The following PKN3 variants were observed in gnomAD, a reference collection of about 807,000 sequenced individuals.
PKN3 encodes protein kinase N3.
Under a neutral mutation model 113.1 loss-of-function variants are expected in PKN3, and 91 were observed. The ratio of observed to expected loss-of-function variants is 0.80; its 90% CI spans 0.68 to 0.96. The LOEUF is 0.96. Ranked by LOEUF, PKN3 falls within the 40% of genes least tolerant of loss-of-function variation. The probability of loss-of-function intolerance (pLI) is 0.00; values close to 1 mark genes in which losing one functional copy is unlikely to be tolerated. For missense variants in PKN3, 1,052 were observed against 1,202.2 expected (o/e 0.88, Z 1.85); for synonymous variants, 467 against 499.0 (o/e 0.94, Z 0.85).
At position 128,702,839 on chromosome 9, in the gene PKN3, A is replaced by G. The variant is rs964074918; in HGVS notation, c.-77A>G. On this transcript the variant is annotated 5_prime_UTR_variant, in exon 1 of 22. The change abolishes the stop of an existing upstream ORF in the 5' untranslated region. Transcript: ENST00000291906. ...CGCTTCCCGGGAAGTTTCAAGTTTG[A>G]AAGTCCTGGCGGAGGGTCTGCGGCT... 2 of 1,108,226 alleles carry G rather than the reference A, an allele frequency of 1.8e-6. No individual in the cohort carries two copies. The highest frequency in any genetic ancestry group is 2.3e-5 in the Admixed American group (1 of 43,512). 68.6% of individuals were successfully genotyped at this position (1,108,226 alleles called of 1,614,324 possible). A position where few individuals can be genotyped will look rare whatever the true frequency, so the allele number is the denominator to read the frequency against.
At position 128,705,851 on chromosome 9, in the gene PKN3, C is replaced by G. The variant is rs754464265; in HGVS notation, c.383C>G (p.Thr128Ser). The G allele has an allele frequency of 6.2e-7, 1 of 1,602,670 alleles. No individual in the cohort carries two copies. Among genetic ancestry groups the G allele is most frequent in the Admixed American group, 1.7e-5 (1 of 59,016 alleles). Reference sequence around the variant, plus strand: ...GTGAAGCAGGGGGCTGAGAACATGACCCACACGTGCGCCAGTGGCACCCCC... The same window carrying G: ...GTGAAGCAGGGGGCTGAGAACATGAGCCACACGTGCGCCAGTGGCACCCCC... ...LKVKQGAENMTHTCASGTPKE... is the reference protein window; with the variant it reads ...LKVKQGAENMSHTCASGTPKE... Residue 128 changes from threonine (T) to serine (S), a missense_variant, in exon 3 of 22, where the codon ACC becomes AGC. By Grantham distance (58) the Thr-to-Ser change is moderately conservative. Coordinates refer to ENST00000291906, the MANE Select transcript of PKN3 (RefSeq NM_013355.5).
chr9:128,707,475 C>A, intron 6 of PKN3, 70 bp downstream of exon 6: 1 of 1,333,986 alleles, frequency 7.5e-7, no homozygotes, highest in African/African-American at 1.4e-5. Context: ...ACAAACAACT[C>A]TGATGAAGAG....
intron 15 of PKN3, 151 bp from the exon 16 acceptor site, chr9:128,716,596 T>TTAAAA: frequency 2.1e-6 from 1 of 481,462 alleles, no homozygotes. Flanking sequence ...AGACTGTGTC[T>TTAAAA]CAAAAAAAAA....
chr9:128,718,258 G>T, intron 16 of PKN3, 67 bp from the exon 17 acceptor site: 1 of 1,285,948 alleles, frequency 7.8e-7, no homozygotes, highest in South Asian at 1.2e-5. Flanking sequence ...GGCCATCCTG[G>T]TGCCTCCCTG....
intron 15 of PKN3, among the ~76,000 whole-genome samples, chr9:128,716,230 G>A (rs1862332999): frequency 1.3e-5 from 2 of 148,618 alleles, no homozygotes; most frequent in South Asian, 4.3e-4. Flanking sequence ...CCTCAGTGGC[G>A]GAGGCTGCAG....
chr9:128,715,543 T>C lies in PKN3; in HGVS notation c.1808+83T>C. 9.6e-7 allele frequency: 1 copy of C among 1,043,812 alleles called. No individual in the cohort carries two copies. The highest frequency in any genetic ancestry group is 1.5e-6 in the Non-Finnish European group (1 of 680,446). The allele number at this position is 1,043,812 out of a possible 1,614,324, so 64.7% of individuals were successfully genotyped here. The stretch of plus-strand genomic sequence containing the variant: ...GGGCAGTTGAAGGTTCCTGGGGCTT[T>C]GGAGAGGTGACCCCGTGGGGCCAGC... On this transcript the variant is annotated intron_variant, in intron 15 of 21. Transcript: ENST00000291906. This position sits in a 1 kb window ranked among gnomAD's most constrained non-coding sequence, Gnocchi z 4.1.
rs1470747641 is a variant in PKN3, at chr9:128,714,210, GA to G, written c.1327del (p.Arg443GlyfsTer5). ...FSKRRGQDFL[R>X]ASQMNLGMAA... ...CTTTTCTCCCAGGCCAGGACTTCCTGAGGGCTTCGCAGATGAACCTCGGCAT... is the reference window on the plus strand; with the variant it reads ...CTTTTCTCCCAGGCCAGGACTTCCTGGGGCTTCGCAGATGAACCTCGGCAT... On this transcript the variant is annotated frameshift_variant, in exon 11 of 22. Coordinates refer to ENST00000291906, the MANE Select transcript of PKN3 (RefSeq NM_013355.5). LOFTEE classifies it high-confidence loss of function. 1.2e-6 allele frequency: 2 copies of G among 1,613,854 alleles called. No individual in the cohort carries two copies. The highest frequency in any genetic ancestry group is 2.7e-5 in the African/African-American group (2 of 74,892).
intron 18 of PKN3, 87 bp downstream of exon 18, chr9:128,718,712 A>G (rs1425033657): frequency 1.6e-6 from 2 of 1,254,774 alleles, no homozygotes; most frequent in Non-Finnish European, 2.3e-6. Context: ...ATGTCCCAGG[A>G]AATCTCCTCA....
Position 128,720,483 on chromosome 9 carries a change from G to A in PKN3, c.2547G>A (p.Glu849=), listed in dbSNP as rs2132343217. The A allele has an allele frequency of 6.2e-7, 1 of 1,613,162 alleles. No individual in the cohort carries two copies. Among genetic ancestry groups the A allele is most frequent in the Admixed American group, 1.7e-5 (1 of 60,018 alleles). ...GCCCTGCGGACCTGCGCTACTTTGA[G>A]GGCGAGTTCACAGGGCTGCCGCCTG... The part of the protein sequence containing the change: ...LCGPADLRYF[E]GEFTGLPPAL... Residue 849 remains glutamate, a synonymous_variant, in exon 22 of 22, where the codon GAG becomes GAA. Transcript: ENST00000291906. The surrounding 1 kb of genome is among the most constrained non-coding windows in gnomAD (Gnocchi z 5.5).
intron 6 of PKN3, chr9:128,710,119 G>C (rs973060765): frequency 2.0e-5 from 3 of 151,762 alleles, no homozygotes; most frequent in African/African-American, 4.8e-5. Context: ...TTTTAGTAGA[G>C]ACAAGGTTTC....
intron 8 of PKN3, 50 bp from the exon 9 acceptor site, chr9:128,713,449 G>C (rs369369395): frequency 1.2e-6 from 2 of 1,613,180 alleles, no homozygotes; most frequent in Non-Finnish European, 1.7e-6. Context: ...GGCTGCCCAG[G>C]TCGGGGCTCG....
Position 128,720,746 on chromosome 9 carries a change from C to T in PKN3, c.*140C>T, listed in dbSNP as rs948544031. 2.7e-6 allele frequency: 2 copies of T among 735,908 alleles called. No individual in the cohort carries two copies. The highest frequency in any genetic ancestry group is 3.6e-5 in the South Asian group (2 of 55,892). 45.6% of individuals were successfully genotyped at this position (735,908 alleles called of 1,614,324 possible). A position where few individuals can be genotyped will look rare whatever the true frequency, so the allele number is the denominator to read the frequency against. On this transcript the variant is annotated 3_prime_UTR_variant, in exon 22 of 22. Transcript: ENST00000291906. The surrounding 1 kb of genome is among the most constrained non-coding windows in gnomAD (Gnocchi z 5.5). ...GGATTCAAAGTGGCAGCCATGGGGC[C>T]ACTGTTGTGGGCTTTGCTCAGTGTC...
Position 128,715,518 on chromosome 9 carries a change from G to T in PKN3, c.1808+58G>T. ...GCTGGCCTGGGCTGTGGCATCCAGA[G>T]GGCAGTTGAAGGTTCCTGGGGCTTT... On this transcript the variant is annotated intron_variant, in intron 15 of 21. Transcript: ENST00000291906. The surrounding 1 kb of genome is among the most constrained non-coding windows in gnomAD (Gnocchi z 4.1). 7.3e-7 allele frequency: 1 copy of T among 1,374,536 alleles called. No individual in the cohort carries two copies. The highest frequency in any genetic ancestry group is 1.2e-5 in the South Asian group (1 of 85,620). 85.1% of individuals were successfully genotyped at this position (1,374,536 alleles called of 1,614,324 possible).
rs575306185 is a variant in PKN3, at chr9:128,703,563, A to G, written c.24+624A>G. ...GGCCCGGAGGACCGAGGCCATGTCT[A>G]TCTGCTCCTGAGGAGGGAGAGGTGG... On this transcript the variant is annotated intron_variant, in intron 1 of 21. Coordinates refer to ENST00000291906, the MANE Select transcript of PKN3 (RefSeq NM_013355.5). 1.6e-4 allele frequency: 159 copies of G among 985,364 alleles called. No individual in the cohort carries two copies. The African/African-American group carries it at 2.4e-3, about 15-fold the overall frequency. 61.0% of individuals were successfully genotyped at this position (985,364 alleles called of 1,614,324 possible).
chr9:128,718,214 A>C (rs1300751481), intron 16 of PKN3, 111 bp from the exon 17 acceptor site: 1 of 812,348 alleles, frequency 1.2e-6, no homozygotes, highest in Admixed American at 1.8e-5. Context: ...CTCATCTCTG[A>C]CTCTGGCCGG....
chr9:128,703,082 G>A, intron 1 of PKN3, 143 bp downstream of exon 1: 1 of 609,246 alleles, frequency 1.6e-6, no homozygotes. Flanking sequence ...CCCCGGCCCC[G>A]CGACGCCCTC....
chr9:128,714,888 A>C (rs143619436), intron 13 of PKN3, 23 bp downstream of exon 13: 1 of 1,605,136 alleles, frequency 6.2e-7, no homozygotes, highest in Non-Finnish European at 8.5e-7. Context: ...GCGCACCTTC[A>C]TGTTTGAGAC....
intron 15 of PKN3, among the ~76,000 whole-genome samples, chr9:128,716,255 A>G (rs1862333783): frequency 6.8e-6 from 1 of 146,412 alleles, no homozygotes; most frequent in Non-Finnish European, 1.5e-5. Context: ...CCGAGATCGC[A>G]CCACATCACT....
At position 128,706,911 on chromosome 9, in the gene PKN3, C is replaced by A. The variant is rs56251280; in HGVS notation, c.539C>A (p.Ala180Glu). 4.4e-3 allele frequency: 7,083 copies of A among 1,614,168 alleles called. 21 individuals carry two copies. Among genetic ancestry groups the A allele is most frequent in the Non-Finnish European group, 5.0e-3 (5,929 of 1,180,030 alleles). ...CTTCCCACAGGGCCTGAGCTGCTGGCGGAGGAGCTACAGCATCGACTGCAC... is the reference window on the plus strand; with the variant it reads ...CTTCCCACAGGGCCTGAGCTGCTGGAGGAGGAGCTACAGCATCGACTGCAC... ...GSPEPGPELL[A>E]EELQHRLHVE... Residue 180 changes from alanine to glutamate, a missense_variant, in exon 5 of 22, where the codon GCG becomes GAG. Coordinates refer to ENST00000291906, the MANE Select transcript of PKN3 (RefSeq NM_013355.5).
Sources: gnomAD v4.1 joint callset for allele counts (sites outside exome capture counted in the v4.1 genomes callset) on GRCh38, gnomAD v4.1.1 for gene constraint, Gnocchi (gnomAD v3.1) non-coding constraint, MANE v1.5 for transcripts, NCBI Gene and HGNC (gene_info 2026-07-23, HGNC 2026-07-21) for gene names.